The following UBASH3B variants were observed in gnomAD, a reference collection of about 807,000 sequenced individuals.
The protein encoded by UBASH3B is ubiquitin associated and SH3 domain containing B.
Under a neutral mutation model 83.4 loss-of-function variants are expected in UBASH3B, and 37 were observed. The observed-to-expected ratio is 0.44, with a 90% CI of 0.34 to 0.58. The LOEUF (loss-of-function observed/expected upper bound fraction) is 0.58, where lower values mean the gene tolerates loss of function less well. Ranked by LOEUF, UBASH3B falls within the 20% of genes least tolerant of loss-of-function variation. The probability of loss-of-function intolerance (pLI) is 0.01; values close to 1 mark genes in which losing one functional copy is unlikely to be tolerated. For synonymous variants in UBASH3B, 304 were observed against 318.3 expected, an observed-to-expected ratio of 0.96 and a Z score of 0.48; for missense variants, 657 against 827.2, an observed-to-expected ratio of 0.79 and a Z score of 2.52.
intron 1 of UBASH3B, among the ~76,000 whole-genome samples, chr11:122,768,558 T>C (rs1860593202): frequency 6.8e-6 from 1 of 147,448 alleles, no homozygotes; most frequent in South Asian, 2.2e-4. Context: ...CACGCTGGAG[T>C]GCAGTGGCAC....
At chr11:122,721,214 C>T (rs955104292) in intron 1 of UBASH3B, among the ~76,000 whole-genome samples, 2 of 136,776 alleles carry the variant, frequency 1.5e-5, no homozygotes, top group Admixed American at 8.2e-5. Flanking sequence ...CACTGCACTC[C>T]AGTCTGGGCA....
At chr11:122,725,732 C>T (rs983329714) in intron 1 of UBASH3B, among the ~76,000 whole-genome samples, 2 of 152,232 alleles carry the variant, frequency 1.3e-5, no homozygotes, top group Non-Finnish European at 2.9e-5. Context: ...CTCACCCTGT[C>T]GCCCAGGCTG....
At chr11:122,710,844 T>G (rs1864181745) in intron 1 of UBASH3B, among the ~76,000 whole-genome samples, 1 of 151,980 alleles carries the variant, frequency 6.6e-6, no homozygotes, top group Non-Finnish European at 1.5e-5. Context: ...GTGGGTAGGC[T>G]TTGTCCTGGG....
At chr11:122,705,743 G>A (rs1374286568) in intron 1 of UBASH3B, among the ~76,000 whole-genome samples, 1 of 152,202 alleles carries the variant, frequency 6.6e-6, no homozygotes, top group Non-Finnish European at 1.5e-5. Context: ...ACCACCTCAT[G>A]TAGTTAATAG....
intron 1 of UBASH3B, among the ~76,000 whole-genome samples, chr11:122,693,476 G>A (rs1356092011): frequency 6.6e-6 from 1 of 152,202 alleles, no homozygotes; most frequent in African/African-American, 2.4e-5. Context: ...CCAGTTGGAG[G>A]AAAAGTAAAA....
Position 122,758,729 on chromosome 11 carries a change from A to G in UBASH3B, c.162-17490A>G, listed in dbSNP as rs1351611279. 6.6e-6 allele frequency among the ~76,000 whole-genome samples: 1 copy of G among 152,156 alleles called. No homozygotes were observed. The highest frequency in any genetic ancestry group is 1.9e-4 in the East Asian group (1 of 5,188). On this transcript the variant is annotated intron_variant, in intron 1 of 13. Transcript: ENST00000284273. The surrounding 1 kb of genome is among the most constrained non-coding windows in gnomAD (Gnocchi z 4.2). The stretch of plus-strand genomic sequence containing the variant: ...CCCTCCCTTAAGTTGCCAAGCTTTA[A>G]CTCTCAGCCTAGAAGGACTTAAATC...
At chr11:122,705,565 G>A (rs988742892) in intron 1 of UBASH3B, among the ~76,000 whole-genome samples, 1 of 151,668 alleles carries the variant, frequency 6.6e-6, no homozygotes, top group Non-Finnish European at 1.5e-5. Context: ...CCCTTTACAC[G>A]CTATGACAGT....
chr11:122,698,223 G>C lies in UBASH3B; in HGVS notation c.161+42013G>C, dbSNP rs144917473. ...GGAATTCTCCTCTGTCGTATTAGAT[G>C]AAAAGTTGTCAACATTGCAGATGAC... On this transcript the variant is annotated intron_variant, in intron 1 of 13. Coordinates refer to ENST00000284273, the MANE Select transcript of UBASH3B (RefSeq NM_032873.5). 1.5e-3 allele frequency among the ~76,000 whole-genome samples: 222 copies of C among 152,218 alleles called. 1 individual carries two copies. The highest frequency in any genetic ancestry group is 4.9e-3 in the African/African-American group (202 of 41,526).
rs386375116 is a variant in UBASH3B, at chr11:122,712,896, G to GTTTTTTT, written c.161+56710_161+56716dup. 6.4e-4 allele frequency among the ~76,000 whole-genome samples: 41 copies of GTTTTTTT among 64,524 alleles called. 6 individuals are homozygous for GTTTTTTT. Among genetic ancestry groups the GTTTTTTT allele is most frequent in the East Asian group, 4.1e-3 (6 of 1,448 alleles). The allele number at this position is 64,524 out of a possible 152,430, so 42.3% of individuals were successfully genotyped here. ...GACATTCATCTTTCTTCTCTGGGTG[G>GTTTTTTT]TTTTTTTTTTTTTTTTTTTTTTTTT... On this transcript the variant is annotated intron_variant, in intron 1 of 13. Transcript: ENST00000284273.
At chr11:122,711,199 C>T (rs1288828801) in intron 1 of UBASH3B, among the ~76,000 whole-genome samples, 1 of 152,198 alleles carries the variant, frequency 6.6e-6, no homozygotes. Flanking sequence ...CAAGGGAGCT[C>T]CTAATCTTGC....
intron 1 of UBASH3B, among the ~76,000 whole-genome samples, chr11:122,679,056 C>G (rs1412602762): frequency 6.6e-6 from 1 of 152,124 alleles, no homozygotes; most frequent in South Asian, 2.1e-4. Flanking sequence ...TACTAAGAGA[C>G]CTGACTAAAA....
intron 1 of UBASH3B, among the ~76,000 whole-genome samples, chr11:122,664,496 C>T (rs1863487592): frequency 6.6e-6 from 1 of 152,148 alleles, no homozygotes; most frequent in Admixed American, 6.5e-5. Context: ...TCCCAGGGGC[C>T]ACTTTCTATT....
At chr11:122,688,667 C>T (rs1284042172) in intron 1 of UBASH3B, among the ~76,000 whole-genome samples, 1 of 119,310 alleles carries the variant, frequency 8.4e-6, no homozygotes. Context: ...TTTTTTGAGA[C>T]GGAGGCTTGC....
At chr11:122,738,441 C>G (rs1007110405) in intron 1 of UBASH3B, among the ~76,000 whole-genome samples, 7 of 152,094 alleles carry the variant, frequency 4.6e-5, no homozygotes, top group African/African-American at 1.7e-4. Flanking sequence ...GAGGAGAAGA[C>G]AGGCTTTCAG....
chr11:122,669,228 C>T (rs559229680), intron 1 of UBASH3B, among the ~76,000 whole-genome samples: 2 of 152,336 alleles, frequency 1.3e-5, no homozygotes, highest in African/African-American at 4.8e-5. Context: ...CTAACGTCAA[C>T]GCGTCAATAG....
chr11:122,690,203 TA>T (rs2135918571), intron 1 of UBASH3B, among the ~76,000 whole-genome samples: 2 of 22,868 alleles, frequency 8.7e-5, no homozygotes, highest in South Asian at 2.0e-3. Flanking sequence ...TATATATATA[TA>T]TATATCCAAT....
At chr11:122,721,456 T>G (rs1860636578) in intron 1 of UBASH3B, among the ~76,000 whole-genome samples, 1 of 152,076 alleles carries the variant, frequency 6.6e-6, no homozygotes, top group South Asian at 2.1e-4. Context: ...ATGATGATAT[T>G]TACCACACCA....
rs566874855 is a variant in UBASH3B at position 122,801,326 on chromosome 11, C to T, written c.1589C>T (p.Thr530Ile). 6.2e-7 allele frequency: 1 copy of T among 1,613,980 alleles called. No individual in the cohort carries two copies. Among genetic ancestry groups the T allele is most frequent in the East Asian group, 2.2e-5 (1 of 44,886 alleles). ...GCAGCCAACCTGAGTGTTGATACAA[C>T]CTACAGGTAAGCCTCGGAAACTGCT... ...LAAANLSVDT[T>I]YRPHIPISKL... is the part of the protein sequence containing the mutation. The change falls in exon 11 of 14, where the codon ACC (threonine) becomes ATC (isoleucine). Residue 530 changes from threonine (T) to isoleucine (I), a missense_variant. Physicochemically the swap from Thr to Ile is moderately conservative, Grantham distance 89. Around this residue, in one of 3 missense-constraint regions of UBASH3B, gnomAD observed 573 missense variants for 739.0 expected, o/e 0.78. Transcript: ENST00000284273.
At chr11:122,803,547 G>C (rs1359825539) in intron 11 of UBASH3B, among the ~76,000 whole-genome samples, 1 of 152,124 alleles carries the variant, frequency 6.6e-6, no homozygotes, top group East Asian at 1.9e-4. Flanking sequence ...CAGGGCCTGG[G>C]GGGGTTGAAA....
Sources: gnomAD v4.1 joint callset for allele counts (sites outside exome capture counted in the v4.1 genomes callset) on GRCh38, gnomAD v4.1.1 for gene constraint, gnomAD v4.1.1 regional missense constraint, Gnocchi (gnomAD v3.1) non-coding constraint, MANE v1.5 for transcripts, NCBI Gene and HGNC (gene_info 2026-07-23, HGNC 2026-07-21) for gene names.